COA1: variants seen among roughly 807,000 people sequenced by gnomAD.
The protein encoded by COA1 is cytochrome c oxidase assembly factor 1 homolog.
A neutral mutation model predicts 16.0 loss-of-function variants in COA1; 13 were observed. That is an observed-to-expected ratio of 0.81 (90% CI 0.53 to 1.29). COA1 has a LOEUF of 1.29. Among genes scored for constraint, COA1 ranks in the 50% most tolerant of loss-of-function variants. The probability of loss-of-function intolerance (pLI) is 0.00; values close to 1 mark genes in which losing one functional copy is unlikely to be tolerated. For synonymous variants in COA1, 65 were observed against 65.7 expected (o/e 0.99, Z 0.05); for missense variants, 179 against 177.0 (o/e 1.01, Z -0.06).
At chr7:43,716,549 A>C (rs1436373720) in intron 1 of COA1, among the ~76,000 whole-genome samples, 1 of 152,218 alleles carries the variant, frequency 6.6e-6, no homozygotes, top group Non-Finnish European at 1.5e-5. Context: ...TGCTGTTAAA[A>C]GCATTCCATT....
rs537127620 is a variant in COA1 at position 43,644,903 on chromosome 7, T to C, written c.264+348A>G. On this transcript the variant is annotated intron_variant, in intron 4 of 5. Coordinates refer to ENST00000223336, the MANE Select transcript of COA1 (RefSeq NM_018224.4). ...CTCAAGCAATCCTCTTACCTCAGCC[T>C]CCCAAAGTGCTGAGAGCTATCAAAG... is the stretch of plus-strand genomic sequence containing the variant. Among the ~76,000 whole-genome samples, 414 of 150,936 alleles carry C rather than the reference T, an allele frequency of 2.7e-3. 1 individual carries two copies. Among genetic ancestry groups the C allele is most frequent in the African/African-American group, 9.4e-3 (384 of 41,040 alleles).
At chr7:43,650,301 T>G (rs1219892865) in intron 1 of COA1, 1 of 152,186 alleles carries the variant, frequency 6.6e-6, no homozygotes, top group Non-Finnish European at 1.5e-5. Flanking sequence ...AAGGGTGGTT[T>G]CTTAAAATAC....
chr7:43,719,612 C>T (rs1182841861), intron 1 of COA1, among the ~76,000 whole-genome samples: 3 of 152,200 alleles, frequency 2.0e-5, no homozygotes, highest in Admixed American at 6.5e-5. Context: ...TTTCCCCACA[C>T]ACCGAATCTG....
chr7:43,645,334 G>C lies in COA1; in HGVS notation c.181C>G (p.Gln61Glu), dbSNP rs1327512703. 1 of 1,614,010 alleles carries C rather than the reference G, an allele frequency of 6.2e-7. No homozygotes were observed. Among genetic ancestry groups the C allele is most frequent in the Non-Finnish European group, 8.5e-7 (1 of 1,179,896 alleles). Residue 61 changes from glutamine to glutamate, a missense_variant, in exon 4 of 6, where the codon CAG becomes GAG. By Grantham distance (29) the Gln-to-Glu change is conservative. Transcript: ENST00000223336. ...VEQLQSHPEA[Q>E]EALGPPLNIH... is the part of the protein sequence containing the mutation. ...TTGAGAGGAGGGCCCAGAGCTTCCT[G>C]TGCCTCGGGATGGCTCTGCAGCTGC...
intron 1 of COA1, among the ~76,000 whole-genome samples, chr7:43,712,909 G>A (rs1245149436): frequency 6.6e-6 from 1 of 151,760 alleles, no homozygotes; most frequent in Non-Finnish European, 1.5e-5. Flanking sequence ...TATATTTGAG[G>A]GGTACAATTT....
At chr7:43,700,016 T>A (rs1481965395) in intron 1 of COA1, among the ~76,000 whole-genome samples, 1 of 152,116 alleles carries the variant, frequency 6.6e-6, no homozygotes, top group Non-Finnish European at 1.5e-5. Flanking sequence ...ACCTCTTTAG[T>A]GTCCTCGTTA....
intron 4 of COA1, among the ~76,000 whole-genome samples, chr7:43,644,079 G>A (rs2286296): frequency 0.79 from 120,150 of 151,994 alleles, 47,574 homozygotes; most frequent in Admixed American, 0.84. Context: ...CTCCACTGCC[G>A]TATCACACTG....
intron 1 of COA1, among the ~76,000 whole-genome samples, chr7:43,695,206 A>G (rs2094492297): frequency 6.6e-6 from 1 of 152,116 alleles, no homozygotes; most frequent in African/African-American, 2.4e-5. Context: ...TAAAGCCTAA[A>G]TAAGACTGTT....
chr7:43,699,443 G>GT (rs1248204245), intron 1 of COA1, among the ~76,000 whole-genome samples: 9 of 151,912 alleles, frequency 5.9e-5, no homozygotes, highest in South Asian at 2.1e-4. Flanking sequence ...CCTACTATTT[G>GT]TTTTTTTTAA....
intron 6 of COA1, among the ~76,000 whole-genome samples, chr7:43,628,681 T>C (rs2084868752): frequency 6.6e-6 from 1 of 152,204 alleles, no homozygotes; most frequent in Non-Finnish European, 1.5e-5. Context: ...GTGGTTTAGT[T>C]TGCATTTCCC....
At chr7:43,717,225 T>A (rs141395353) in intron 1 of COA1, among the ~76,000 whole-genome samples, 5,975 of 152,144 alleles carry the variant, frequency 0.039, 392 homozygotes, top group African/African-American at 0.14. Context: ...GCTTGCACCA[T>A]CCACCTGGAA....
chr7:43,658,447 TATAAC>T (rs1447155296), intron 1 of COA1, among the ~76,000 whole-genome samples: 1 of 152,082 alleles, frequency 6.6e-6, no homozygotes, highest in African/African-American at 2.4e-5. Flanking sequence ...GAAACTAAGA[TATAAC>T]ATAAACACCT....
At chr7:43,644,801 G>GAGAGAC (rs2088676191) in intron 4 of COA1, among the ~76,000 whole-genome samples, 1 of 131,060 alleles carries the variant, frequency 7.6e-6, no homozygotes, top group African/African-American at 3.1e-5. Context: ...CAGAGAGACA[G>GAGAGAC]AGAGAGAGAG....
chr7:43,672,773 C>CAAAA (rs34219718), intron 1 of COA1, among the ~76,000 whole-genome samples: 1 of 100,808 alleles, frequency 9.9e-6, no homozygotes, highest in Admixed American at 1.1e-4. Flanking sequence ...CATCTCAAAC[C>CAAAA]AAAAAAAAAA....
At chr7:43,626,027 A>T (rs906795945) in intron 6 of COA1, 1 of 152,244 alleles carries the variant, frequency 6.6e-6, no homozygotes, top group Non-Finnish European at 1.5e-5. Flanking sequence ...GTAAAGTCCA[A>T]TTAAAATATG....
At chr7:43,691,265 AAAAGAAAG>A (rs775344819) in intron 1 of COA1, among the ~76,000 whole-genome samples, 1,016 of 45,516 alleles carry the variant, frequency 0.022, 15 homozygotes, top group Middle Eastern at 0.043. Context: ...AGAAAGAAAG[AAAAGAAAG>A]AAAGAAAGAA....
intron 4 of COA1, among the ~76,000 whole-genome samples, chr7:43,644,791 C>CAGACAGAGAGAGAG (rs1563229816): frequency 4.2e-5 from 1 of 23,704 alleles, no homozygotes; most frequent in African/African-American, 1.5e-4. Context: ...GGCAGGCAGG[C>CAGACAGAGAGAGAG]AGAGAGACAG....
intron 1 of COA1, among the ~76,000 whole-genome samples, chr7:43,675,968 A>G (rs1191659919): frequency 6.6e-6 from 1 of 152,188 alleles, no homozygotes; most frequent in African/African-American, 2.4e-5. Flanking sequence ...GACCCTTAAC[A>G]GACCCCTAAA....
chr7:43,728,780 G>A (rs1424278427), intron 1 of COA1, among the ~76,000 whole-genome samples: 1 of 152,180 alleles, frequency 6.6e-6, no homozygotes, highest in East Asian at 1.9e-4. Flanking sequence ...ATAGCCCTCC[G>A]GGGAGAATGG....
Sources: gnomAD v4.1 joint callset for allele counts (sites outside exome capture counted in the v4.1 genomes callset) on GRCh38, gnomAD v4.1.1 for gene constraint, MANE v1.5 for transcripts, NCBI Gene and HGNC (gene_info 2026-07-23, HGNC 2026-07-21) for gene names.